Variants in ERAP1 observed in about 807,000 individuals in gnomAD.
The protein encoded by ERAP1 is adipocyte-derived leucine aminopeptidase.
In ERAP1, 86 loss-of-function variants were observed where a neutral mutation model predicts 103.7. The observed-to-expected ratio is 0.83, with a 90% CI of 0.70 to 0.99. The LOEUF is 0.99. Ranked by LOEUF, ERAP1 falls within the 50% of genes least tolerant of loss-of-function variation. The probability of loss-of-function intolerance (pLI) is 0.00; values close to 1 mark genes in which losing one functional copy is unlikely to be tolerated. For missense variants in ERAP1, 1,009 were observed against 1,128.4 expected, an observed-to-expected ratio of 0.89 and a Z score of 1.52; for synonymous variants, 398 against 402.4, an observed-to-expected ratio of 0.99 and a Z score of 0.13.
At chr5:96,867,832 G>A in the ERAP1 span, among the ~76,000 whole-genome samples, 9 of 152,166 alleles carry the variant, frequency 5.9e-5, no homozygotes, top group African/African-American at 2.2e-4. Context: ...CCATCACTTT[G>A]GGAGGCTGAG....
the ERAP1 span, among the ~76,000 whole-genome samples, chr5:96,821,556 C>T: frequency 6.6e-6 from 1 of 152,144 alleles, no homozygotes; most frequent in Non-Finnish European, 1.5e-5. Context: ...GCAGAGTATC[C>T]TTTATCTATG....
the ERAP1 span, among the ~76,000 whole-genome samples, chr5:96,853,621 G>T: frequency 7.2e-5 from 11 of 152,130 alleles, no homozygotes; most frequent in African/African-American, 2.7e-4. Context: ...AGGGTTTTAT[G>T]ATGTGTATTT....
At chr5:96,856,246 G>A in the ERAP1 span, among the ~76,000 whole-genome samples, 1 of 144,788 alleles carries the variant, frequency 6.9e-6, no homozygotes, top group African/African-American at 2.6e-5. Flanking sequence ...TTGAACCCGG[G>A]AGGCGGAGAT....
chr5:96,763,898 G>T (rs1490190455), intron 19 of ERAP1, among the ~76,000 whole-genome samples: 1 of 151,708 alleles, frequency 6.6e-6, no homozygotes, highest in East Asian at 1.9e-4. Context: ...CAAGACCTGG[G>T]TTCTATTCAC....
At chr5:96,932,256 C>T in the ERAP1 span, among the ~76,000 whole-genome samples, 1,448 of 152,246 alleles carry the variant, frequency 9.5e-3, 18 homozygotes, top group African/African-American at 0.033. Context: ...CTTGCCCTGG[C>T]GGGAAGCAGC....
the ERAP1 span, chr5:96,881,228 G>C: frequency 5.3e-5 from 19 of 357,966 alleles, no homozygotes; most frequent in Non-Finnish European, 1.0e-4. Flanking sequence ...TCTATGTTGA[G>C]GGTATGTTAT....
the ERAP1 span, among the ~76,000 whole-genome samples, chr5:96,877,267 G>T: frequency 1.9e-3 from 282 of 152,246 alleles, 1 homozygote; most frequent in African/African-American, 6.6e-3. Flanking sequence ...GAGTCACTGT[G>T]CCCGGTCCTG....
chr5:96,849,717 C>A, the ERAP1 span, among the ~76,000 whole-genome samples: 1 of 152,156 alleles, frequency 6.6e-6, no homozygotes, highest in Admixed American at 6.6e-5. Flanking sequence ...TAATCCCTAT[C>A]AAAATTATCA....
In ERAP1 at chr5:96,786,466, T is replaced by C. The variant is rs376207477; in HGVS notation, c.1759+4A>G. ...ATTAACTAGTAGTTTCCAAAATAAATTACCTGTTTTTGTTTTTAGCAAAAA... is the reference window on the plus strand; with the variant it reads ...ATTAACTAGTAGTTTCCAAAATAAACTACCTGTTTTTGTTTTTAGCAAAAA... On this transcript the variant is annotated splice_donor_region_variant and intron_variant, in intron 12 of 18. Coordinates refer to ENST00000443439, the MANE Select transcript of ERAP1 (RefSeq NM_001040458.3). The C allele has an allele frequency of 5.6e-6, 9 of 1,593,674 alleles. No individual in the cohort carries two copies. Among genetic ancestry groups the C allele is most frequent in the Non-Finnish European group, 6.0e-6 (7 of 1,162,086 alleles).
the ERAP1 span, among the ~76,000 whole-genome samples, chr5:96,888,396 T>A: frequency 1.1e-3 from 173 of 152,316 alleles, no homozygotes; most frequent in Non-Finnish European, 1.9e-3. Context: ...GCCTGGGTGA[T>A]CTGGAGCAAG....
chr5:96,827,597 G>A, the ERAP1 span, among the ~76,000 whole-genome samples: 1 of 152,138 alleles, frequency 6.6e-6, no homozygotes, highest in Non-Finnish European at 1.5e-5. Context: ...CCCAGGAGGT[G>A]GAGGTTGCAG....
chr5:96,801,152 T>C, intron 2 of ERAP1, 152 bp from the exon 3 acceptor site: 2 of 883,700 alleles, frequency 2.3e-6, no homozygotes, highest in Non-Finnish European at 3.5e-6. Flanking sequence ...ATAAACTAAG[T>C]TAAAAGACGA....
the ERAP1 span, among the ~76,000 whole-genome samples, chr5:96,818,223 T>C: frequency 6.6e-6 from 1 of 152,220 alleles, no homozygotes; most frequent in East Asian, 1.9e-4. Flanking sequence ...ATATTTGGAA[T>C]GTCTCCAGGG....
At chr5:96,814,726 A>C in the ERAP1 span, among the ~76,000 whole-genome samples, 2 of 152,256 alleles carry the variant, frequency 1.3e-5, no homozygotes. Context: ...AAAGAGACCA[A>C]GCCCCGATAA....
intron 5 of ERAP1, 59 bp from the exon 6 acceptor site, chr5:96,794,016 A>G (rs938807229): frequency 1.5e-5 from 23 of 1,560,432 alleles, no homozygotes; most frequent in Admixed American, 6.7e-5. Flanking sequence ...TCTCCCAAAC[A>G]CTAATCTTCA....
At chr5:96,807,382 C>T (rs544321221) in intron 1 of ERAP1, among the ~76,000 whole-genome samples, 1 of 152,328 alleles carries the variant, frequency 6.6e-6, no homozygotes, top group East Asian at 1.9e-4. Context: ...CAGCTATGGG[C>T]AGGTGCCCTC....
chr5:96,775,154 G>T lies in ERAP1; in HGVS notation c.*1242C>A, dbSNP rs1160910843. 2 of 985,180 alleles carry T rather than the reference G, an allele frequency of 2.0e-6. No individual in the cohort carries two copies. The highest frequency in any genetic ancestry group is 3.5e-5 in the African/African-American group (2 of 57,140). The allele number at this position is 985,180 out of a possible 1,614,324, so 61.0% of individuals were successfully genotyped here. On this transcript the variant is annotated 3_prime_UTR_variant, in exon 19 of 19. Transcript: ENST00000443439. ...CTTAGGGTATTAACTGACTTGACTT[G>T]AACTCCGTTGGTTTACCATGTTAGT... is the stretch of plus-strand genomic sequence containing the variant.
intron 14 of ERAP1, 92 bp downstream of exon 14, chr5:96,783,818 TACACACACACACAC>T (rs3076640): frequency 0.25 from 202,899 of 795,780 alleles, 17,790 homozygotes; most frequent in Non-Finnish European, 0.3. Flanking sequence ...TATATAAAGA[TACACACACACACAC>T]ACACACACAC....
At chr5:96,884,060 ATC>A in the ERAP1 span, 1 of 636,546 alleles carries the variant, frequency 1.6e-6, no homozygotes, top group Non-Finnish European at 2.6e-6. Context: ...CTATCTATCT[ATC>A]TATCTATCTA....
Sources: allele counts gnomAD v4.1 joint callset (sites outside exome capture counted in the v4.1 genomes callset), GRCh38; gene constraint gnomAD v4.1.1; transcripts MANE v1.5; gene names NCBI Gene and HGNC (gene_info 2026-07-23, HGNC 2026-07-21).